LCP1: variants seen among roughly 807,000 people sequenced by gnomAD.
LCP1 encodes plastin-2.
Under a neutral mutation model 72.0 loss-of-function variants are expected in LCP1, and 23 were observed. The observed-to-expected ratio is 0.32, with a 90% CI of 0.23 to 0.45. LCP1 has a LOEUF of 0.45. Ranked by LOEUF, LCP1 falls within the 20% of genes least tolerant of loss-of-function variation. The pLI, the probability that LCP1 is intolerant of heterozygous loss-of-function variation, is 1.00. For synonymous variants in LCP1, 245 were observed against 275.4 expected (o/e 0.89, Z 1.09); for missense variants, 571 against 748.3 (o/e 0.76, Z 2.76).
intron 10 of LCP1, among the ~76,000 whole-genome samples, chr13:46,145,198 G>C (rs1289750270): frequency 6.6e-6 from 1 of 152,192 alleles, no homozygotes; most frequent in Non-Finnish European, 1.5e-5. Context: ...ACAGACAACG[G>C]CAGTCATTAT....
At chr13:46,163,196 AG>A (rs1445234902) in intron 1 of LCP1, among the ~76,000 whole-genome samples, 6 of 152,252 alleles carry the variant, frequency 3.9e-5, no homozygotes, top group African/African-American at 1.4e-4. Flanking sequence ...GGAACAGAAA[AG>A]GGGGAAATGT....
At chr13:46,155,439 C>T (rs996266790) in intron 5 of LCP1, among the ~76,000 whole-genome samples, 1 of 152,024 alleles carries the variant, frequency 6.6e-6, no homozygotes, top group South Asian at 2.1e-4. Context: ...CCATGGGGTG[C>T]CTTGGGTGGC....
chr13:46,127,880 A>G (rs531805681), intron 15 of LCP1, among the ~76,000 whole-genome samples, 157 bp from the exon 16 acceptor site: 1 of 152,304 alleles, frequency 6.6e-6, no homozygotes, highest in South Asian at 2.1e-4. Flanking sequence ...TTTTGTGGAC[A>G]AATTTTGGCT....
intron 1 of LCP1, among the ~76,000 whole-genome samples, chr13:46,160,321 A>G (rs887139519): frequency 6.6e-6 from 1 of 152,228 alleles, no homozygotes; most frequent in African/African-American, 2.4e-5. Context: ...AAAAGAACAG[A>G]GAAGACAAAA....
chr13:46,150,006 TCTGA>T (rs1192535533), intron 8 of LCP1, among the ~76,000 whole-genome samples: 2 of 152,216 alleles, frequency 1.3e-5, no homozygotes, highest in Admixed American at 6.5e-5. Flanking sequence ...GAAGCTTGAC[TCTGA>T]CTGGCACAGT....
At chr13:46,137,443 G>A (rs1287424920) in intron 13 of LCP1, among the ~76,000 whole-genome samples, 1 of 152,132 alleles carries the variant, frequency 6.6e-6, no homozygotes, top group East Asian at 1.9e-4. Flanking sequence ...GGGAGGCTGA[G>A]GCAGGAGAAT....
At chr13:46,158,130 G>T (rs957161178) in intron 4 of LCP1, among the ~76,000 whole-genome samples, 1 of 152,180 alleles carries the variant, frequency 6.6e-6, no homozygotes, top group African/African-American at 2.4e-5. Context: ...CATTATGGCT[G>T]TTGGATGGCA....
intron 12 of LCP1, 61 bp from the exon 13 acceptor site, chr13:46,142,486 T>C (rs1388657710): frequency 1.6e-5 from 25 of 1,519,260 alleles, no homozygotes; most frequent in Non-Finnish European, 2.2e-5. Flanking sequence ...AAATACCAGA[T>C]AAATAATAAA....
In LCP1 at chr13:46,134,152, T is replaced by G. The variant is rs145656700; in HGVS notation, c.1601A>C (p.Lys534Thr). The change falls in exon 14 of 16, where the codon AAA (lysine) becomes ACA (threonine). Residue 534 changes from lysine (K) to threonine (T), a missense_variant. Coordinates refer to ENST00000323076, the MANE Select transcript of LCP1 (RefSeq NM_002298.5). ...WVNETLREAK[K>T]SSSISSFKDP... Reference sequence around the variant, plus strand: ...CTTGAAACTAGAGATGGATGAACTTTTCTTTGCTTCCCTCAATGTTTCATT... The same window carrying G: ...CTTGAAACTAGAGATGGATGAACTTGTCTTTGCTTCCCTCAATGTTTCATT... 214 of 1,613,676 alleles carry G rather than the reference T, an allele frequency of 1.3e-4. No homozygotes were observed. Among genetic ancestry groups the G allele is most frequent in the Middle Eastern group, 1.6e-4 (1 of 6,078 alleles).
At chr13:46,151,179 C>T in intron 7 of LCP1, 101 bp from the exon 8 acceptor site, 1 of 1,136,974 alleles carries the variant, frequency 8.8e-7, no homozygotes, top group Non-Finnish European at 1.2e-6. Context: ...CTAAAGATAA[C>T]AACGTTACCT....
In LCP1 at chr13:46,134,212, T is replaced by C. The variant is rs1172563724; in HGVS notation, c.1541A>G (p.Gln514Arg). The C allele has an allele frequency of 6.2e-7, 1 of 1,613,646 alleles. No individual in the cohort carries two copies. The highest frequency in any genetic ancestry group is 2.2e-5 in the East Asian group (1 of 44,850). ...GACAATAATGTCATCATTGACCTTCTGGCCACCACCAATTTCTTCGAGGAT... is the reference window on the plus strand; with the variant it reads ...GACAATAATGTCATCATTGACCTTCCGGCCACCACCAATTTCTTCGAGGAT... ...LNILEEIGGG[Q>R]KVNDDIIVNW... Residue 514 changes from glutamine to arginine, a missense_variant, in exon 14 of 16, where the codon CAG becomes CGG. Gln to Arg is a conservative substitution (Grantham distance 43). Transcript: ENST00000323076.
At chr13:46,156,619 A>G in intron 4 of LCP1, 49 bp from the exon 5 acceptor site, 3 of 1,604,922 alleles carry the variant, frequency 1.9e-6, no homozygotes, top group Non-Finnish European at 1.7e-6. Flanking sequence ...AAACTCTATT[A>G]TAAACAAAAT....
Position 46,134,179 on chromosome 13 carries a change from AC to A in LCP1, c.1573del (p.Val525Ter). 1 of 1,613,256 alleles carries A rather than the reference AC, an allele frequency of 6.2e-7. No individual in the cohort carries two copies. The highest frequency in any genetic ancestry group is 8.5e-7 in the Non-Finnish European group (1 of 1,179,254). ...KVNDDIIVNW[V>X]NETLREAKKS... Reference sequence around the variant, plus strand: ...CTTTGCTTCCCTCAATGTTTCATTCACCCAGTTGACAATAATGTCATCATTG... The same window carrying A: ...CTTTGCTTCCCTCAATGTTTCATTCACCAGTTGACAATAATGTCATCATTG... On this transcript the variant is annotated frameshift_variant, in exon 14 of 16. Transcript: ENST00000323076. LOFTEE classifies it high-confidence loss of function.
At chr13:46,130,380 A>G (rs1191464147) in intron 15 of LCP1, among the ~76,000 whole-genome samples, 1 of 152,232 alleles carries the variant, frequency 6.6e-6, no homozygotes, top group African/African-American at 2.4e-5. Context: ...ATATGCTGAT[A>G]CTCACTCTAG....
Position 46,154,975 on chromosome 13 carries a change from T to C in LCP1, c.492-89A>G, listed in dbSNP as rs1017467379. On this transcript the variant is annotated intron_variant, in intron 5 of 15. Transcript: ENST00000323076. ...AATTTAAATTCTAGCAATACCATAA[T>C]CAAAGAAGATAGCAACAGAATCTGT... is the stretch of plus-strand genomic sequence containing the variant. 4.3e-6 allele frequency: 4 copies of C among 933,002 alleles called. No individual in the cohort carries two copies. The East Asian group carries it at 9.7e-5, about 23-fold the overall frequency. 57.8% of individuals were successfully genotyped at this position (933,002 alleles called of 1,614,324 possible). A position where few individuals can be genotyped will look rare whatever the true frequency, so the allele number is the denominator to read the frequency against.
chr13:46,127,369 T>C lies in LCP1; in HGVS notation c.*222A>G. On this transcript the variant is annotated 3_prime_UTR_variant, in exon 16 of 16. Transcript: ENST00000323076. Reference sequence around the variant, plus strand: ...CTAGATTTTCGAAGAAGCAAATAAATCAAGAATAGAAACCTATATATAGGA... The same window carrying C: ...CTAGATTTTCGAAGAAGCAAATAAACCAAGAATAGAAACCTATATATAGGA... 2.4e-6 allele frequency: 1 copy of C among 413,050 alleles called. No homozygotes were observed. Among genetic ancestry groups the C allele is most frequent in the Non-Finnish European group, 4.3e-6 (1 of 235,232 alleles). The allele number at this position is 413,050 out of a possible 1,614,324, so 25.6% of individuals were successfully genotyped here. A position where few individuals can be genotyped will look rare whatever the true frequency, so the allele number is the denominator to read the frequency against.
intron 4 of LCP1, among the ~76,000 whole-genome samples, chr13:46,157,671 T>A (rs1042834908): frequency 6.6e-6 from 1 of 151,912 alleles, no homozygotes; most frequent in Non-Finnish European, 1.5e-5. Flanking sequence ...GTTCTGAAAA[T>A]TCCTGTATTT....
At chr13:46,152,758 G>C (rs1324941799) in intron 7 of LCP1, 22 bp downstream of exon 7, 2 of 1,604,288 alleles carry the variant, frequency 1.2e-6, no homozygotes, top group Admixed American at 1.7e-5. Flanking sequence ...TGTCATAAAT[G>C]ACCTTTGGGA....
At chr13:46,171,282 C>T (rs1332575783) in intron 1 of LCP1, among the ~76,000 whole-genome samples, 3 of 152,194 alleles carry the variant, frequency 2.0e-5, no homozygotes, top group South Asian at 2.1e-4. Context: ...CCTTTCCTAT[C>T]ATTTCTGGCT....
Sources: allele counts gnomAD v4.1 joint callset (sites outside exome capture counted in the v4.1 genomes callset), GRCh38; gene constraint gnomAD v4.1.1; transcripts MANE v1.5; gene names NCBI Gene and HGNC (gene_info 2026-07-23, HGNC 2026-07-21).